The following NEK7 variants were observed in gnomAD, a reference collection of about 807,000 sequenced individuals.
The protein encoded by NEK7 is NIMA related kinase 7, also known as serine/threonine-protein kinase Nek7.
NEK7 carries 18 observed loss-of-function variants against 44.6 expected under a neutral mutation model. The observed-to-expected ratio is 0.40, with a 90% CI of 0.28 to 0.60. NEK7 has a LOEUF of 0.60. NEK7 is among the 20% of genes least tolerant of loss of function. NEK7 has a pLI of 0.38. For synonymous variants in NEK7, 130 were observed against 121.1 expected (o/e 1.07, Z -0.48); for missense variants, 256 against 366.5 (o/e 0.70, Z 2.46).
At chr1:198,270,330 T>C (rs779761375) in intron 5 of NEK7, among the ~76,000 whole-genome samples, 11 of 152,024 alleles carry the variant, frequency 7.2e-5, no homozygotes, top group Non-Finnish European at 1.6e-4. Flanking sequence ...TTTAATATTA[T>C]ATATTTTTAA....
intron 1 of NEK7, among the ~76,000 whole-genome samples, chr1:198,184,671 C>G (rs898420590): frequency 6.6e-6 from 1 of 151,946 alleles, no homozygotes. Flanking sequence ...AATGAAATCA[C>G]AATATATATA....
At chr1:198,288,119 C>T (rs543637087) in intron 7 of NEK7, among the ~76,000 whole-genome samples, 39 of 152,296 alleles carry the variant, frequency 2.6e-4, no homozygotes, top group Non-Finnish European at 5.1e-4. Flanking sequence ...CCACACCTTT[C>T]CTAGCACCTC....
At chr1:198,314,764 C>G (rs1191872220) in intron 9 of NEK7, among the ~76,000 whole-genome samples, 1 of 152,188 alleles carries the variant, frequency 6.6e-6, no homozygotes, top group African/African-American at 2.4e-5. Context: ...GGGTCAGAGA[C>G]CCACTTGAGG....
chr1:198,220,097 T>C (rs1390579429), intron 1 of NEK7, among the ~76,000 whole-genome samples: 1 of 152,024 alleles, frequency 6.6e-6, no homozygotes, highest in African/African-American at 2.4e-5. Context: ...TTGTAAGAAG[T>C]AGGTTCCCCC....
chr1:198,304,022 G>T (rs1654959823), intron 9 of NEK7, among the ~76,000 whole-genome samples: 1 of 152,072 alleles, frequency 6.6e-6, no homozygotes, highest in Admixed American at 6.6e-5. Flanking sequence ...GCTGAAAGTT[G>T]CCATGTAAGA....
chr1:198,317,216 C>T (rs1282299641), intron 9 of NEK7, among the ~76,000 whole-genome samples: 1 of 152,120 alleles, frequency 6.6e-6, no homozygotes, highest in Non-Finnish European at 1.5e-5. Flanking sequence ...TGACAAGATA[C>T]ACTTCGTATT....
At position 198,198,175 on chromosome 1, in the gene NEK7, G is replaced by A. The variant is rs12411185; in HGVS notation, c.-28-34378G>A. ...GATTTGGTCCTGGCTGGCCGGCATTGGGATTCCACATGTTGAGGTGTGTCC... is the reference window on the plus strand; with the variant it reads ...GATTTGGTCCTGGCTGGCCGGCATTAGGATTCCACATGTTGAGGTGTGTCC... On this transcript the variant is annotated intron_variant, in intron 1 of 9. Transcript: ENST00000367385. The A allele has an allele frequency of 0.015, 11,456 of 757,384 alleles. 800 individuals are homozygous for A. The Admixed American group carries it at 0.16, about 11-fold the overall frequency. 46.9% of individuals were successfully genotyped at this position (757,384 alleles called of 1,614,324 possible).
intron 9 of NEK7, among the ~76,000 whole-genome samples, chr1:198,315,197 T>C (rs1406426098): frequency 1.3e-5 from 2 of 152,154 alleles, no homozygotes; most frequent in Non-Finnish European, 2.9e-5. Flanking sequence ...GACCTGATTT[T>C]CCAGGTGCCG....
rs140181207 is a variant in NEK7 at position 198,210,741 on chromosome 1, C to CTTT, written c.-28-21785_-28-21783dup. Among the ~76,000 whole-genome samples the CTTT allele has an allele frequency of 2.6e-3, 151 of 57,534 alleles. 23 individuals are homozygous for CTTT. Among genetic ancestry groups the CTTT allele is most frequent in the African/African-American group, 7.8e-3 (107 of 13,788 alleles). The allele number at this position is 57,534 out of a possible 152,430, so 37.7% of individuals were successfully genotyped here. On this transcript the variant is annotated intron_variant, in intron 1 of 9. Transcript: ENST00000367385. Reference sequence around the variant, plus strand: ...GTCATTGTCCCTTCAATTTGTATTTCTTTTTTTTTTTTTTTTTTTTTTTTT... The same window carrying CTTT: ...GTCATTGTCCCTTCAATTTGTATTTCTTTTTTTTTTTTTTTTTTTTTTTTTTTT...
At chr1:198,215,215 T>C (rs532775956) in intron 1 of NEK7, among the ~76,000 whole-genome samples, 15 of 152,260 alleles carry the variant, frequency 9.9e-5, no homozygotes, top group Non-Finnish European at 1.8e-4. Flanking sequence ...TGCATGAGAA[T>C]GGAAACCCCT....
intron 1 of NEK7, among the ~76,000 whole-genome samples, chr1:198,210,345 G>T (rs1243767675): frequency 6.6e-6 from 1 of 152,134 alleles, no homozygotes; most frequent in Non-Finnish European, 1.5e-5. Flanking sequence ...TTGGGCTCCT[G>T]AAGTGCTGAG....
chr1:198,235,081 A>G (rs964989555), intron 2 of NEK7, among the ~76,000 whole-genome samples: 5 of 152,188 alleles, frequency 3.3e-5, no homozygotes, highest in Non-Finnish European at 7.4e-5. Context: ...TGGTTAGCCC[A>G]GTGACTTCTT....
At chr1:198,190,935 G>T (rs577464939) in intron 1 of NEK7, among the ~76,000 whole-genome samples, 10 of 152,066 alleles carry the variant, frequency 6.6e-5, no homozygotes, top group African/African-American at 2.2e-4. Flanking sequence ...ATAGTACTTT[G>T]TTTAGTGCAT....
At chr1:198,193,856 A>G (rs1457790250) in intron 1 of NEK7, among the ~76,000 whole-genome samples, 1 of 152,198 alleles carries the variant, frequency 6.6e-6, no homozygotes, top group Non-Finnish European at 1.5e-5. Context: ...TATGACAGCC[A>G]ATATCATATT....
intron 3 of NEK7, among the ~76,000 whole-genome samples, chr1:198,253,626 T>C (rs1003031387): frequency 1.3e-5 from 2 of 152,184 alleles, no homozygotes; most frequent in Non-Finnish European, 2.9e-5. Context: ...TTTATTTACT[T>C]GGAAATAAAA....
At chr1:198,228,347 G>C (rs1023655461) in intron 1 of NEK7, among the ~76,000 whole-genome samples, 8 of 152,136 alleles carry the variant, frequency 5.3e-5, no homozygotes, top group Non-Finnish European at 7.4e-5. Context: ...ACTTGGCAAT[G>C]CAGGCTCTTT....
chr1:198,292,634 C>T (rs894905715), intron 7 of NEK7, among the ~76,000 whole-genome samples: 4 of 151,830 alleles, frequency 2.6e-5, no homozygotes, highest in African/African-American at 9.7e-5. Flanking sequence ...CAACATGAAT[C>T]ATTTAAGTAG....
chr1:198,217,257 A>G (rs1315220911), intron 1 of NEK7, among the ~76,000 whole-genome samples: 1 of 151,918 alleles, frequency 6.6e-6, no homozygotes, highest in African/African-American at 2.4e-5. Context: ...AAAATTCACC[A>G]TGATCAAGTG....
intron 2 of NEK7, among the ~76,000 whole-genome samples, chr1:198,251,554 G>A (rs984584858): frequency 1.3e-5 from 2 of 151,976 alleles, no homozygotes; most frequent in Non-Finnish European, 2.9e-5. Flanking sequence ...CAATTTCAGA[G>A]CTGTTATTGG....
Sources: allele counts gnomAD v4.1 joint callset (sites outside exome capture counted in the v4.1 genomes callset), GRCh38; gene constraint gnomAD v4.1.1; transcripts MANE v1.5; gene names NCBI Gene and HGNC (gene_info 2026-07-23, HGNC 2026-07-21).